Variants in DHRS9 observed in about 807,000 individuals in gnomAD.
The protein encoded by DHRS9 is dehydrogenase/reductase 9.
Under a neutral mutation model 26.6 loss-of-function variants are expected in DHRS9, and 18 were observed. That is an observed-to-expected ratio of 0.68 (90% CI 0.47 to 1.00). The LOEUF is 1.00. Ranked by LOEUF, DHRS9 falls within the 50% of genes least tolerant of loss-of-function variation. The pLI, the probability that DHRS9 is intolerant of heterozygous loss-of-function variation, is 0.00. For missense variants in DHRS9, 425 were observed against 378.7 expected, an observed-to-expected ratio of 1.12 and a Z score of -1.01; for synonymous variants, 134 against 141.1, an observed-to-expected ratio of 0.95 and a Z score of 0.36.
intron 4 of DHRS9, among the ~76,000 whole-genome samples, chr2:169,093,643 T>C (rs1252403811): frequency 6.6e-6 from 1 of 152,228 alleles, no homozygotes; most frequent in Non-Finnish European, 1.5e-5. Context: ...CCAATTATTT[T>C]TGGCTTGGTT....
At chr2:169,071,812 C>A (rs1259819019) in intron 1 of DHRS9, among the ~76,000 whole-genome samples, 1 of 152,070 alleles carries the variant, frequency 6.6e-6, no homozygotes, top group South Asian at 2.1e-4. Flanking sequence ...GTCAGACTCT[C>A]AAAAAAGCAT....
chr2:169,070,262 T>C (rs1683759225), intron 1 of DHRS9: 1 of 985,386 alleles, frequency 1.0e-6, no homozygotes, highest in Non-Finnish European at 1.2e-6. Flanking sequence ...TTCCCAACAA[T>C]TCATATTTGA....
intron 1 of DHRS9, among the ~76,000 whole-genome samples, chr2:169,075,422 A>G (rs1451045153): frequency 6.6e-6 from 1 of 152,196 alleles, no homozygotes; most frequent in East Asian, 1.9e-4. Flanking sequence ...AGTTGAAGAC[A>G]TGATGCTCCT....
At chr2:169,084,094 G>T (rs974718059) in intron 3 of DHRS9, among the ~76,000 whole-genome samples, 1 of 152,052 alleles carries the variant, frequency 6.6e-6, no homozygotes, top group African/African-American at 2.4e-5. Context: ...TGGGAACTTC[G>T]TTTTTCTGTG....
rs753437977 is a variant in DHRS9 at position 169,091,861 on chromosome 2, AT to A, written c.645del (p.Pro216GlnfsTer2). On this transcript the variant is annotated frameshift_variant, in exon 4 of 5. Coordinates refer to ENST00000674881, the MANE Select transcript of DHRS9 (RefSeq NM_001376924.1). LOFTEE classifies it high-confidence loss of function. Reference protein sequence around the residue: ...EPGLFKTNLADPVKVIEKKLA... With the variant: ...EPGLFKTNLAXPVKVIEKKLA... ...GGATTGTTCAAAACAAACTTGGCAG[AT>A]CCAGTAAAGGTAATTGAAAAAAAAC... 1 of 1,614,050 alleles carries A rather than the reference AT, an allele frequency of 6.2e-7. No homozygotes were observed. The highest frequency in any genetic ancestry group is 8.5e-7 in the Non-Finnish European group (1 of 1,179,980).
Position 169,095,877 on chromosome 2 carries a change from C to G in DHRS9, c.*110C>G, listed in dbSNP as rs949851897. 4.9e-6 allele frequency: 5 copies of G among 1,012,948 alleles called. No individual in the cohort carries two copies. Among genetic ancestry groups the G allele is most frequent in the Admixed American group, 2.3e-5 (1 of 44,110 alleles). 62.7% of individuals were successfully genotyped at this position (1,012,948 alleles called of 1,614,324 possible). On this transcript the variant is annotated 3_prime_UTR_variant, in exon 5 of 5. Coordinates refer to ENST00000674881, the MANE Select transcript of DHRS9 (RefSeq NM_001376924.1). ...TGCTCCAACCTGGACTCATTTAGAT[C>G]GTGCTTATTTGGATTGCAAAAGGGA...
At chr2:169,087,602 C>T (rs1386307271) in intron 3 of DHRS9, among the ~76,000 whole-genome samples, 1 of 151,922 alleles carries the variant, frequency 6.6e-6, no homozygotes, top group African/African-American at 2.4e-5. Flanking sequence ...CTAGGTCACA[C>T]CTGAGGCCAG....
intron 1 of DHRS9, among the ~76,000 whole-genome samples, chr2:169,073,285 G>A (rs1055598842): frequency 6.6e-6 from 1 of 152,234 alleles, no homozygotes; most frequent in Admixed American, 6.5e-5. Context: ...CACTACAACT[G>A]TAGCTGGAGC....
intron 3 of DHRS9, among the ~76,000 whole-genome samples, chr2:169,091,562 G>A (rs1188303302): frequency 6.6e-6 from 1 of 152,198 alleles, no homozygotes; most frequent in Non-Finnish European, 1.5e-5. Context: ...TGGGGGTGGT[G>A]TCCACCCAGA....
At chr2:169,074,279 G>C (rs1683895214) in intron 1 of DHRS9, 1 of 985,314 alleles carries the variant, frequency 1.0e-6, no homozygotes, top group Non-Finnish European at 1.2e-6. Flanking sequence ...GCTAAGAAAA[G>C]TTAATTTGTC....
intron 1 of DHRS9, among the ~76,000 whole-genome samples, chr2:169,072,175 C>T (rs1484290038): frequency 6.6e-6 from 1 of 152,052 alleles, no homozygotes; most frequent in Non-Finnish European, 1.5e-5. Context: ...GAAAGCCATG[C>T]AAGAGAACTC....
chr2:169,093,719 C>T (rs1188614881), intron 4 of DHRS9, among the ~76,000 whole-genome samples: 1 of 152,160 alleles, frequency 6.6e-6, no homozygotes, highest in Non-Finnish European at 1.5e-5. Context: ...ACTGGTTGTT[C>T]TCACTAGAGT....
chr2:169,082,856 G>A (rs111502704), intron 2 of DHRS9, among the ~76,000 whole-genome samples: 3,152 of 117,678 alleles, frequency 0.027, 97 homozygotes, highest in East Asian at 0.16. Flanking sequence ...ACAGGAAGGG[G>A]AACATCACAC....
At position 169,083,309 on chromosome 2, in the gene DHRS9, T is replaced by C. The variant is rs755840802; in HGVS notation, c.314-20T>C. On this transcript the variant is annotated intron_variant, in intron 2 of 4. Coordinates refer to ENST00000674881, the MANE Select transcript of DHRS9 (RefSeq NM_001376924.1). ...TAAGTACTGTCTTACCACACCTCTT[T>C]TCCTTCCTCTCTGTTCTAGGTCTCT... The C allele has an allele frequency of 2.5e-6, 4 of 1,610,576 alleles. No homozygotes were observed. The highest frequency in any genetic ancestry group is 3.4e-6 in the Non-Finnish European group (4 of 1,177,290).
chr2:169,091,958 G>A lies in DHRS9; in HGVS notation c.736+5G>A, dbSNP rs760075845. The stretch of plus-strand genomic sequence containing the variant: ...GAGAAGGTTACATTGAAAAAAGTGA[G>A]TTTCCGGGCGGTGCCAATGTCCTCT... On this transcript the variant is annotated splice_donor_5th_base_variant and intron_variant, in intron 4 of 4. Transcript: ENST00000674881. The A allele has an allele frequency of 3.1e-6, 5 of 1,613,086 alleles. No individual in the cohort carries two copies. The highest frequency in any genetic ancestry group is 3.3e-5 in the Admixed American group (2 of 59,822).
At chr2:169,094,083 T>C (rs987004925) in intron 4 of DHRS9, among the ~76,000 whole-genome samples, 5 of 152,332 alleles carry the variant, frequency 3.3e-5, no homozygotes, top group African/African-American at 4.8e-5. Flanking sequence ...CTCCATGCCC[T>C]TGTCAATACT....
intron 1 of DHRS9, chr2:169,070,651 A>C: frequency 1.0e-6 from 1 of 984,288 alleles, no homozygotes. Context: ...TTTTAGAACA[A>C]ATTTCAATGT....
chr2:169,086,245 T>G (rs868433227), intron 3 of DHRS9, among the ~76,000 whole-genome samples: 96 of 152,338 alleles, frequency 6.3e-4, no homozygotes, highest in Middle Eastern at 3.4e-3. Context: ...TTTTTTATTT[T>G]GCTTGATCAA....
intron 1 of DHRS9, among the ~76,000 whole-genome samples, chr2:169,076,449 C>G (rs1189445775): frequency 2.0e-5 from 3 of 152,318 alleles, no homozygotes; most frequent in Non-Finnish European, 2.9e-5. Context: ...TTTCTGAGCC[C>G]TTGGTATGTT....
Sources: allele counts gnomAD v4.1 joint callset (sites outside exome capture counted in the v4.1 genomes callset), GRCh38; gene constraint gnomAD v4.1.1; transcripts MANE v1.5; gene names NCBI Gene and HGNC (gene_info 2026-07-23, HGNC 2026-07-21).